The following MLKL variants were observed in gnomAD, a reference collection of about 807,000 sequenced individuals.
MLKL encodes the protein mixed lineage kinase domain-like protein.
A neutral mutation model predicts 56.5 loss-of-function variants in MLKL; 55 were observed. The ratio of observed to expected loss-of-function variants is 0.97; its 90% CI spans 0.78 to 1.22. The LOEUF is 1.22. Among genes scored for constraint, MLKL ranks in the 50% most tolerant of loss-of-function variants. The pLI is 0.00. For synonymous variants in MLKL, 251 were observed against 208.3 expected (o/e 1.20, Z -1.76); for missense variants, 694 against 573.9 (o/e 1.21, Z -2.14).
chr16:74,682,846 C>T, intron 5 of MLKL, 60 bp from the exon 6 acceptor site: 3 of 1,588,044 alleles, frequency 1.9e-6, no homozygotes, highest in Non-Finnish European at 2.6e-6. Context: ...CCCATGTCTG[C>T]AGCCCACCTC....
chr16:74,687,323 G>C (rs1188341106), intron 4 of MLKL, among the ~76,000 whole-genome samples: 1 of 151,928 alleles, frequency 6.6e-6, no homozygotes, highest in African/African-American at 2.4e-5. Context: ...CCATGTTCTT[G>C]AATAGGAAGA....
At position 74,675,052 on chromosome 16, in the gene MLKL, T is replaced by C. The variant is rs760829214; in HGVS notation, c.1289A>G (p.Gln430Arg). The C allele has an allele frequency of 2.5e-6, 4 of 1,614,046 alleles. No homozygotes were observed. In the South Asian group the frequency reaches 4.4e-5, roughly 18 times the overall value. ...AGGGCAGTCTTCACCCAGTGGCTCC[T>C]GCTGCCGCTTCACAGCCACCAGCTT... ...IRKLVAVKRQQEPLGEDCPSE... is the reference protein window; with the variant it reads ...IRKLVAVKRQREPLGEDCPSE... The change falls in exon 10 of 11, where the codon CAG becomes CGG. Residue 430 changes from glutamine (Q) to arginine (R), a missense_variant. By Grantham distance (43) the Gln-to-Arg change is conservative (BLOSUM62 1). Coordinates refer to ENST00000308807, the MANE Select transcript of MLKL (RefSeq NM_152649.4).
At chr16:74,680,825 C>T (rs1045752288) in intron 6 of MLKL, among the ~76,000 whole-genome samples, 1 of 151,992 alleles carries the variant, frequency 6.6e-6, no homozygotes, top group African/African-American at 2.4e-5. Context: ...GTATCCTTAA[C>T]TCTGCCAATA....
At chr16:74,690,781 CAAAAAAAAA>C (rs58597472) in intron 4 of MLKL, among the ~76,000 whole-genome samples, 2 of 49,906 alleles carry the variant, frequency 4.0e-5, no homozygotes, top group African/African-American at 8.8e-5. Context: ...GACCTTGTCT[CAAAAAAAAA>C]AAAAAAAAAA....
At chr16:74,692,886 T>G (rs1410470627) in intron 2 of MLKL, among the ~76,000 whole-genome samples, 1 of 152,226 alleles carries the variant, frequency 6.6e-6, no homozygotes, top group Non-Finnish European at 1.5e-5. Context: ...CAATCCTGAT[T>G]TATATACTCA....
rs774153596 is a variant in MLKL, at chr16:74,682,798, G to A, written c.821-12C>T. On this transcript the variant is annotated splice_polypyrimidine_tract_variant and intron_variant, in intron 5 of 10. Coordinates refer to ENST00000308807, the MANE Select transcript of MLKL (RefSeq NM_152649.4). ...TTGAGGCGGAGTCACTGGTGGAAAG[G>A]AGCCAGACACTATGAGGACCCGCCC... 3 of 1,613,832 alleles carry A rather than the reference G, an allele frequency of 1.9e-6. No individual in the cohort carries two copies. The highest frequency in any genetic ancestry group is 2.5e-6 in the Non-Finnish European group (3 of 1,179,904).
At position 74,691,262 on chromosome 16, in the gene MLKL, C is replaced by G; in HGVS notation, c.722+15G>C. 6.2e-7 allele frequency: 1 copy of G among 1,601,702 alleles called. No individual in the cohort carries two copies. Among genetic ancestry groups the G allele is most frequent in the Non-Finnish European group, 8.5e-7 (1 of 1,174,254 alleles). ...AGTATTGGTACACACGAGAGAACCA[C>G]ACAAAACAACTTACGCAATGCTGCC... On this transcript the variant is annotated intron_variant, in intron 4 of 10. Transcript: ENST00000308807.
intron 10 of MLKL, among the ~76,000 whole-genome samples, chr16:74,673,594 G>T (rs1567597155): frequency 6.6e-6 from 1 of 152,056 alleles, no homozygotes; most frequent in East Asian, 1.9e-4. Context: ...ATGCTTCCAG[G>T]GAGGGAGACA....
chr16:74,679,103 G>GA, intron 6 of MLKL, 123 bp from the exon 7 acceptor site: 1 of 697,802 alleles, frequency 1.4e-6, no homozygotes, highest in Non-Finnish European at 2.5e-6. Flanking sequence ...AGTTACACAG[G>GA]AAAAACTGGG....
chr16:74,688,003 T>C (rs1460608575), intron 4 of MLKL, among the ~76,000 whole-genome samples: 1 of 152,066 alleles, frequency 6.6e-6, no homozygotes, highest in East Asian at 1.9e-4. Flanking sequence ...TTTTTTGTAT[T>C]TTTAGTAGAG....
chr16:74,686,122 G>A (rs771152483), intron 4 of MLKL, among the ~76,000 whole-genome samples: 2 of 152,188 alleles, frequency 1.3e-5, no homozygotes, highest in Middle Eastern at 3.4e-3. Context: ...ACCATGCTTG[G>A]CTAATTTTTG....
chr16:74,675,780 A>G lies in MLKL; in HGVS notation c.1039-16T>C, dbSNP rs768533726. 2 of 1,612,656 alleles carry G rather than the reference A, an allele frequency of 1.2e-6. No individual in the cohort carries two copies. Among genetic ancestry groups the G allele is most frequent in the East Asian group, 2.2e-5 (1 of 44,856 alleles). The stretch of plus-strand genomic sequence containing the variant: ...ATCCTGCAAGCTAGATAGAGAGGCA[A>G]CTTAGAAAGAAACAAGCAAGATCTT... On this transcript the variant is annotated splice_polypyrimidine_tract_variant and intron_variant, in intron 7 of 10. Transcript: ENST00000308807.
At chr16:74,700,236 G>T (rs893626075) in intron 1 of MLKL, among the ~76,000 whole-genome samples, 1 of 151,858 alleles carries the variant, frequency 6.6e-6, no homozygotes, top group Non-Finnish European at 1.5e-5. Context: ...TGCCCTCCAC[G>T]ACCCCCACTG....
At position 74,682,760 on chromosome 16, in the gene MLKL, T is replaced by C. The variant is rs1237242622; in HGVS notation, c.847A>G (p.Met283Val). ...TVTPPQFSIV[M>V]EYCELGTLRE... Reference sequence around the variant, plus strand: ...AGGGTCCCGAGTTCACAGTACTCCATGACAATGGAGAATTGAGGCGGAGTC... The same window carrying C: ...AGGGTCCCGAGTTCACAGTACTCCACGACAATGGAGAATTGAGGCGGAGTC... Residue 283 changes from methionine (M) to valine (V), a missense_variant, in exon 6 of 11, where the codon ATG becomes GTG. Physicochemically the swap from Met to Val is conservative, Grantham distance 21. Coordinates refer to ENST00000308807, the MANE Select transcript of MLKL (RefSeq NM_152649.4). 5 of 1,613,980 alleles carry C rather than the reference T, an allele frequency of 3.1e-6. No homozygotes were observed. Among genetic ancestry groups the C allele is most frequent in the Admixed American group, 1.7e-5 (1 of 59,972 alleles).
intron 7 of MLKL, chr16:74,676,052 T>C: frequency 8.2e-6 from 3 of 365,656 alleles, no homozygotes; most frequent in Non-Finnish European, 1.4e-5. Flanking sequence ...TAAGACCTGC[T>C]AAGTTGTAGT....
rs1567606780 is a variant in MLKL at position 74,682,738 on chromosome 16, GTCCCGAGTTCACAGTAC to G, written c.852_868del (p.Glu284AspfsTer8). 1.2e-6 allele frequency: 2 copies of G among 1,614,056 alleles called. No homozygotes were observed. The highest frequency in any genetic ancestry group is 1.7e-6 in the Non-Finnish European group (2 of 1,180,016). On this transcript the variant is annotated frameshift_variant, in exon 6 of 11. Transcript: ENST00000308807. LOFTEE classifies it high-confidence loss of function. The stretch of plus-strand genomic sequence containing the variant: ...TTCCCTATCCAACAGCTCCCTCAGG[GTCCCGAGTTCACAGTAC>G]TCCATGACAATGGAGAATTGAGGCG...
intron 1 of MLKL, among the ~76,000 whole-genome samples, chr16:74,696,284 T>C (rs1157969780): frequency 6.6e-6 from 1 of 152,232 alleles, no homozygotes; most frequent in Non-Finnish European, 1.5e-5. Flanking sequence ...TTCAGGTTGA[T>C]ATGTTTATAT....
At position 74,695,577 on chromosome 16, in the gene MLKL, C is replaced by T. The variant is rs769628250; in HGVS notation, c.181G>A (p.Ala61Thr). The T allele has an allele frequency of 3.7e-6, 6 of 1,614,096 alleles. No homozygotes were observed. The Middle Eastern group carries it at 4.9e-4, about 133-fold the overall frequency. The change falls in exon 2 of 11, where the codon GCC (alanine) becomes ACC (threonine). Residue 61 changes from alanine (A) to threonine (T), a missense_variant. Transcript: ENST00000308807. ...RSVPSEKLTT[A>T]MNRFKAALEE... ...AGGGCAGCCTTGAAGCGGTTCATGG[C>T]TGTGGTTAACTTCTCAGAGGGCACG...
In MLKL at chr16:74,689,210, G is replaced by A. The variant is rs138311906; in HGVS notation, c.722+2067C>T. On this transcript the variant is annotated intron_variant, in intron 4 of 10. Coordinates refer to ENST00000308807, the MANE Select transcript of MLKL (RefSeq NM_152649.4). Reference sequence around the variant, plus strand: ...GCTCACTGCAACCTTGGCCTCCAAGGTTCAAGTGATTCTCCTGCCTCAGCC... The same window carrying A: ...GCTCACTGCAACCTTGGCCTCCAAGATTCAAGTGATTCTCCTGCCTCAGCC... 3.1e-3 allele frequency among the ~76,000 whole-genome samples: 476 copies of A among 151,828 alleles called. 2 individuals are homozygous for A. Among genetic ancestry groups the A allele is most frequent in the African/African-American group, 0.011 (450 of 41,362 alleles).
Sources: allele counts gnomAD v4.1 joint callset (sites outside exome capture counted in the v4.1 genomes callset), GRCh38; gene constraint gnomAD v4.1.1; transcripts MANE v1.5; gene names NCBI Gene and HGNC (gene_info 2026-07-23, HGNC 2026-07-21).